Variants in SLIT2 observed in about 807,000 individuals in gnomAD.
SLIT2 encodes the protein slit homolog 2 protein.
SLIT2 carries 41 observed loss-of-function variants against 185.7 expected under a neutral mutation model. The ratio of observed to expected loss-of-function variants is 0.22; its 90% CI spans 0.17 to 0.29. The LOEUF is 0.29. SLIT2 is among the 10% of genes least tolerant of loss of function. The pLI is 1.00. For missense variants in SLIT2, 1,571 were observed against 1,909.0 expected (o/e 0.82, Z 3.30); for synonymous variants, 693 against 680.2 (o/e 1.02, Z -0.29).
intron 4 of SLIT2, among the ~76,000 whole-genome samples, chr4:20,368,219 C>CAAAAAAAAAAAAAAAAGAAAA (rs71653879): frequency 3.7e-5 from 4 of 107,418 alleles, no homozygotes; most frequent in Admixed American, 9.9e-5. Flanking sequence ...CACAAAATAG[C>CAAAAAAAAAAAAAAAAGAAAA]AAAAAAAAAA....
intron 4 of SLIT2, among the ~76,000 whole-genome samples, chr4:20,399,603 C>A (rs1430385305): frequency 6.6e-6 from 1 of 151,716 alleles, no homozygotes; most frequent in Non-Finnish European, 1.5e-5. Flanking sequence ...TCCTTGAGTA[C>A]CTAATGCATA....
chr4:20,381,379 A>G (rs1368858714), intron 4 of SLIT2, among the ~76,000 whole-genome samples: 1 of 152,210 alleles, frequency 6.6e-6, no homozygotes, highest in East Asian at 1.9e-4. Flanking sequence ...ATTTCTTGTC[A>G]GAAACTACAC....
Position 20,619,164 on chromosome 4 carries a change from TG to T in SLIT2, c.*157del. 2.7e-6 allele frequency: 2 copies of T among 731,752 alleles called. No individual in the cohort carries two copies. Among genetic ancestry groups the T allele is most frequent in the Non-Finnish European group, 2.0e-6 (1 of 494,258 alleles). 45.3% of individuals were successfully genotyped at this position (731,752 alleles called of 1,614,324 possible). A position where few individuals can be genotyped will look rare whatever the true frequency, so the allele number is the denominator to read the frequency against. On this transcript the variant is annotated 3_prime_UTR_variant, in exon 37 of 37. Transcript: ENST00000504154. ...AGAATAAAGACTTTTTTTCTGCATT[TG>T]GAAAAAAAAAAAAAGAAATGCTTGA...
intron 12 of SLIT2, 39 bp from the exon 13 acceptor site, chr4:20,523,721 G>A: frequency 1.3e-6 from 2 of 1,591,328 alleles, no homozygotes; most frequent in Non-Finnish European, 1.7e-6. Flanking sequence ...GAGTTAATAA[G>A]ATGCTACACT....
chr4:20,254,357 C>A lies in SLIT2; in HGVS notation c.179+363C>A, dbSNP rs556304446. 9.1e-4 allele frequency among the ~76,000 whole-genome samples: 138 copies of A among 152,326 alleles called. No homozygotes were observed. The highest frequency in any genetic ancestry group is 6.8e-3 in the Middle Eastern group (2 of 294). On this transcript the variant is annotated intron_variant, in intron 1 of 36. Coordinates refer to ENST00000504154, the MANE Select transcript of SLIT2 (RefSeq NM_004787.4). The surrounding 1 kb of genome is among the most constrained non-coding windows in gnomAD (Gnocchi z 5.1). ...TCTCCAGAGTCCATAAACGGAGTCA[C>A]CTTGCGATTGCCAGCATCCAGGTCG... is the stretch of plus-strand genomic sequence containing the variant.
Position 20,400,328 on chromosome 4 carries a change from G to T in SLIT2, c.396-67424G>T, listed in dbSNP as rs576452969. ...TAGAAGAGGGATTTTTAGCATCCTG[G>T]CATAGAAGGATGGCCATAGAAATGA... On this transcript the variant is annotated intron_variant, in intron 4 of 36. Coordinates refer to ENST00000504154, the MANE Select transcript of SLIT2 (RefSeq NM_004787.4). 2.6e-5 allele frequency among the ~76,000 whole-genome samples: 4 copies of T among 151,696 alleles called. No individual in the cohort carries two copies. The South Asian group carries it at 8.3e-4, about 32-fold the overall frequency.
chr4:20,611,721 T>G (rs1729237087), intron 34 of SLIT2, among the ~76,000 whole-genome samples: 1 of 152,220 alleles, frequency 6.6e-6, no homozygotes, highest in Admixed American at 6.5e-5. Context: ...GAGCACATGC[T>G]ATGTGCCCAA....
chr4:20,283,120 G>GCACACACACACACACACA (rs55949957), intron 4 of SLIT2, among the ~76,000 whole-genome samples: 1 of 149,850 alleles, frequency 6.7e-6, no homozygotes, highest in African/African-American at 2.4e-5. Flanking sequence ...GTGCGCGCGC[G>GCACACACACACACACACA]CACACACACA....
intron 4 of SLIT2, among the ~76,000 whole-genome samples, chr4:20,417,485 C>T (rs987644942): frequency 1.3e-4 from 16 of 121,744 alleles, no homozygotes; most frequent in East Asian, 4.4e-4. Flanking sequence ...TGTACATATA[C>T]GTATATATAC....
At chr4:20,278,674 G>C (rs1714417442) in intron 4 of SLIT2, among the ~76,000 whole-genome samples, 1 of 151,998 alleles carries the variant, frequency 6.6e-6, no homozygotes. Flanking sequence ...TTGTCCAGAA[G>C]TATAAAAGAG....
chr4:20,396,782 GT>G (rs910381998), intron 4 of SLIT2, among the ~76,000 whole-genome samples: 34 of 145,522 alleles, frequency 2.3e-4, no homozygotes, highest in Non-Finnish European at 3.3e-4. Flanking sequence ...TGCATATGTG[GT>G]TTTTTTTGTT....
At chr4:20,357,198 G>C (rs749697190) in intron 4 of SLIT2, among the ~76,000 whole-genome samples, 2 of 152,040 alleles carry the variant, frequency 1.3e-5, no homozygotes, top group Admixed American at 6.6e-5. Context: ...TTAATTGGGG[G>C]AAGTTTCAAA....
intron 4 of SLIT2, among the ~76,000 whole-genome samples, chr4:20,402,973 T>A (rs1447908325): frequency 6.6e-6 from 1 of 151,786 alleles, no homozygotes; most frequent in Non-Finnish European, 1.5e-5. Context: ...TATATCTAAA[T>A]TATTTTCATT....
chr4:20,456,186 A>G (rs941964862), intron 4 of SLIT2, among the ~76,000 whole-genome samples: 1 of 78,554 alleles, frequency 1.3e-5, no homozygotes, highest in Non-Finnish European at 2.6e-5. Flanking sequence ...TTGTGAATGA[A>G]GGGTCCTCTT....
At chr4:20,505,482 A>G (rs1294786709) in intron 9 of SLIT2, among the ~76,000 whole-genome samples, 2 of 152,106 alleles carry the variant, frequency 1.3e-5, no homozygotes, top group Non-Finnish European at 2.9e-5. Flanking sequence ...ATTGAAAATA[A>G]TGTCTACGAA....
intron 4 of SLIT2, among the ~76,000 whole-genome samples, chr4:20,348,734 G>T (rs1326130610): frequency 6.6e-6 from 1 of 152,184 alleles, no homozygotes; most frequent in East Asian, 1.9e-4. Context: ...GAGTTCGTTT[G>T]TCAACGTCTT....
intron 4 of SLIT2, among the ~76,000 whole-genome samples, chr4:20,394,050 T>G (rs1725678278): frequency 6.6e-6 from 1 of 151,998 alleles, no homozygotes. Context: ...GATGACTTAG[T>G]TGCATTAGCA....
chr4:20,384,785 C>T (rs1724803057), intron 4 of SLIT2, among the ~76,000 whole-genome samples: 1 of 152,094 alleles, frequency 6.6e-6, no homozygotes. Flanking sequence ...CAGCACTTGT[C>T]AGTAATTATA....
At chr4:20,432,953 T>C (rs757062017) in intron 4 of SLIT2, among the ~76,000 whole-genome samples, 3 of 152,196 alleles carry the variant, frequency 2.0e-5, no homozygotes, top group Admixed American at 1.3e-4. Flanking sequence ...AAGATGATAT[T>C]TTTTTCCTTC....
Sources: allele counts gnomAD v4.1 joint callset (sites outside exome capture counted in the v4.1 genomes callset), GRCh38; gene constraint gnomAD v4.1.1; non-coding constraint Gnocchi (gnomAD v3.1); transcripts MANE v1.5; gene names NCBI Gene and HGNC (gene_info 2026-07-23, HGNC 2026-07-21).